The following TP63 variants were observed in gnomAD, a reference collection of about 807,000 sequenced individuals.
TP63 encodes tumor protein p63.
A neutral mutation model predicts 82.8 loss-of-function variants in TP63; 17 were observed. The observed-to-expected ratio is 0.21, with a 90% CI of 0.14 to 0.31. The LOEUF (loss-of-function observed/expected upper bound fraction) is 0.31. Ranked by LOEUF, TP63 falls within the 10% of genes least tolerant of loss-of-function variation. The pLI, the probability that TP63 is intolerant of heterozygous loss-of-function variation, is 1.00. For synonymous variants in TP63, 330 were observed against 321.7 expected (o/e 1.03, Z -0.28); for missense variants, 648 against 895.3 (o/e 0.72, Z 3.52).
chr3:189,803,590 G>C (rs1047741988), intron 3 of TP63, among the ~76,000 whole-genome samples: 1 of 152,202 alleles, frequency 6.6e-6, no homozygotes, highest in Non-Finnish European at 1.5e-5. Flanking sequence ...CATGCAAGCT[G>C]TATGTTTCAG....
chr3:189,838,001 C>G (rs1438589252), intron 4 of TP63, among the ~76,000 whole-genome samples: 4 of 152,168 alleles, frequency 2.6e-5, no homozygotes. Context: ...TATCTGGTAA[C>G]CCCATTCCCA....
chr3:189,815,372 T>C (rs1321048139), intron 4 of TP63, among the ~76,000 whole-genome samples: 4 of 152,028 alleles, frequency 2.6e-5, no homozygotes, highest in African/African-American at 7.2e-5. Flanking sequence ...GTCAGGGAGG[T>C]AGCATAAATG....
chr3:189,684,088 G>A (rs936051752), intron 1 of TP63, among the ~76,000 whole-genome samples: 8 of 152,174 alleles, frequency 5.3e-5, no homozygotes, highest in South Asian at 2.1e-4. Flanking sequence ...ACAGCATGAT[G>A]TGGATTTTCT....
At chr3:189,730,032 G>A (rs1720047303) in intron 1 of TP63, among the ~76,000 whole-genome samples, 1 of 152,188 alleles carries the variant, frequency 6.6e-6, no homozygotes, top group African/African-American at 2.4e-5. Flanking sequence ...TGCTTCTGAA[G>A]CTAACCCGAA....
chr3:189,813,595 G>GTT (rs1553846624), intron 4 of TP63, among the ~76,000 whole-genome samples: 51 of 33,608 alleles, frequency 1.5e-3, no homozygotes, highest in African/African-American at 3.9e-3. Flanking sequence ...TCCTCAGGTT[G>GTT]TTTTTTTTTT....
chr3:189,862,367 G>A (rs1007515024), intron 4 of TP63, among the ~76,000 whole-genome samples: 1 of 151,900 alleles, frequency 6.6e-6, no homozygotes, highest in Non-Finnish European at 1.5e-5. Context: ...CCCCGAGAAT[G>A]AACAAGAATT....
chr3:189,865,921 C>T (rs558380301), intron 5 of TP63, among the ~76,000 whole-genome samples: 12 of 152,272 alleles, frequency 7.9e-5, no homozygotes, highest in African/African-American at 2.4e-4. Context: ...ATAGATGATG[C>T]AGCAGAGAAC....
intron 3 of TP63, among the ~76,000 whole-genome samples, chr3:189,758,945 A>G (rs1241376517): frequency 6.6e-6 from 1 of 152,220 alleles, no homozygotes; most frequent in African/African-American, 2.4e-5. Flanking sequence ...CAGAGAACTC[A>G]CAAGAAAACT....
Position 189,775,220 on chromosome 3 carries a change from CAAAAAAAA to C in TP63, c.325-33037_325-33030del, listed in dbSNP as rs56288032. 3.2e-3 allele frequency among the ~76,000 whole-genome samples: 297 copies of C among 93,034 alleles called. 4 individuals are homozygous for C. The highest frequency in any genetic ancestry group is 0.012 in the African/African-American group (288 of 23,242). 61.0% of individuals were successfully genotyped at this position (93,034 alleles called of 152,430 possible). ...GGGCAACAAGAGTAAAACTCTGTCT[CAAAAAAAA>C]AAAAAAAAAAAAAAGAAAGAAAGAA... On this transcript the variant is annotated intron_variant, in intron 3 of 13. Transcript: ENST00000264731.
chr3:189,761,473 A>G (rs1409996499), intron 3 of TP63, among the ~76,000 whole-genome samples: 3 of 152,204 alleles, frequency 2.0e-5, no homozygotes, highest in Non-Finnish European at 4.4e-5. Flanking sequence ...CTTTGCTCCA[A>G]TTCCCAACAA....
chr3:189,713,175 T>G (rs1288500285), intron 1 of TP63, among the ~76,000 whole-genome samples: 1 of 152,192 alleles, frequency 6.6e-6, no homozygotes, highest in Non-Finnish European at 1.5e-5. Context: ...TTTGTACCCC[T>G]GCCTTTGGGC....
intron 9 of TP63, among the ~76,000 whole-genome samples, chr3:189,871,270 T>C (rs1319692838): frequency 6.6e-6 from 1 of 152,146 alleles, no homozygotes; most frequent in Non-Finnish European, 1.5e-5. Context: ...GAGTGGCAAA[T>C]ATGCTAGACC....
the TP63 span, among the ~76,000 whole-genome samples, chr3:189,605,182 T>A: frequency 1.3e-5 from 2 of 152,220 alleles, no homozygotes; most frequent in Non-Finnish European, 2.9e-5. Flanking sequence ...ACAAAATGCC[T>A]GCCTTGTCTA....
intron 3 of TP63, among the ~76,000 whole-genome samples, chr3:189,752,721 T>G (rs1434724037): frequency 1.3e-5 from 2 of 152,116 alleles, no homozygotes; most frequent in East Asian, 3.8e-4. Flanking sequence ...TTTCTTCTTT[T>G]TCGAGTTTTT....
At chr3:189,785,176 ATACTT>A (rs2108582932) in intron 3 of TP63, among the ~76,000 whole-genome samples, 1 of 152,146 alleles carries the variant, frequency 6.6e-6, no homozygotes, top group South Asian at 2.1e-4. Context: ...TTTAGATACT[ATACTT>A]TGATTTTTAC....
At chr3:189,842,467 A>G (rs1301052887) in intron 4 of TP63, among the ~76,000 whole-genome samples, 1 of 152,166 alleles carries the variant, frequency 6.6e-6, no homozygotes, top group Non-Finnish European at 1.5e-5. Context: ...AGGTATGTCC[A>G]GTAGGGGTGA....
At chr3:189,673,963 T>C (rs566679224) in intron 1 of TP63, among the ~76,000 whole-genome samples, 1 of 152,174 alleles carries the variant, frequency 6.6e-6, no homozygotes, top group Non-Finnish European at 1.5e-5. Context: ...GAGATACTTA[T>C]ATTTATTACT....
rs1713895774 is a variant in TP63, at chr3:189,661,681, T to A, written c.62+30104T>A. 2.0e-5 allele frequency among the ~76,000 whole-genome samples: 3 copies of A among 152,194 alleles called. No individual in the cohort carries two copies. In the South Asian group the frequency reaches 6.2e-4, roughly 32 times the overall value. On this transcript the variant is annotated intron_variant, in intron 1 of 13. Coordinates refer to ENST00000264731, the MANE Select transcript of TP63 (RefSeq NM_003722.5). Reference sequence around the variant, plus strand: ...GCCCTCTTTGTATGTCTGGTAGAATTTGGCTGTGAATTATGTAGTCAGGCT... The same window carrying A: ...GCCCTCTTTGTATGTCTGGTAGAATATGGCTGTGAATTATGTAGTCAGGCT...
intron 4 of TP63, among the ~76,000 whole-genome samples, chr3:189,849,395 G>C (rs780368925): frequency 6.6e-6 from 1 of 152,118 alleles, no homozygotes; most frequent in African/African-American, 2.4e-5. Flanking sequence ...CAACCTGTGC[G>C]ATATGACAGA....
Sources: allele counts gnomAD v4.1 joint callset (sites outside exome capture counted in the v4.1 genomes callset), GRCh38; gene constraint gnomAD v4.1.1; transcripts MANE v1.5; gene names NCBI Gene and HGNC (gene_info 2026-07-23, HGNC 2026-07-21).